SLC9A9: variants seen among roughly 807,000 people sequenced by gnomAD.
SLC9A9 encodes the protein solute carrier family 9 member A9.
SLC9A9 carries 62 observed loss-of-function variants against 77.8 expected under a neutral mutation model. The ratio of observed to expected loss-of-function variants is 0.80; its 90% CI spans 0.65 to 0.98. SLC9A9 has a LOEUF of 0.98. Ranked by LOEUF, SLC9A9 falls within the 50% of genes least tolerant of loss-of-function variation. The pLI is 0.00. For synonymous variants in SLC9A9, 320 were observed against 283.5 expected, an observed-to-expected ratio of 1.13 and a Z score of -1.29; for missense variants, 775 against 774.9, an observed-to-expected ratio of 1.00 and a Z score of 0.00.
intron 11 of SLC9A9, among the ~76,000 whole-genome samples, chr3:143,480,676 G>A (rs564317630): frequency 6.6e-6 from 1 of 152,336 alleles, no homozygotes; most frequent in South Asian, 2.1e-4. Context: ...CTTGGTGGAA[G>A]TTCGTCTTCT....
intron 4 of SLC9A9, among the ~76,000 whole-genome samples, chr3:143,754,275 A>C (rs1433649388): frequency 1.3e-5 from 2 of 152,228 alleles, no homozygotes; most frequent in Non-Finnish European, 2.9e-5. Context: ...TAAAAGTCCC[A>C]ATATGGTAAC....
chr3:143,477,347 T>TTTTTTC (rs1553758984), intron 11 of SLC9A9, among the ~76,000 whole-genome samples: 46 of 103,078 alleles, frequency 4.5e-4, no homozygotes, highest in Non-Finnish European at 6.8e-4. Context: ...TTTTTTTTTT[T>TTTTTTC]CCCCCTCCCC....
chr3:143,729,727 C>T (rs1934753525), intron 4 of SLC9A9, among the ~76,000 whole-genome samples: 2 of 152,152 alleles, frequency 1.3e-5, no homozygotes, highest in Admixed American at 1.3e-4. Context: ...GACTTCTTAC[C>T]CCCTAGAAGA....
At chr3:143,502,995 A>C (rs2035950680) in intron 9 of SLC9A9, among the ~76,000 whole-genome samples, 1 of 152,192 alleles carries the variant, frequency 6.6e-6, no homozygotes, top group Admixed American at 6.5e-5. Context: ...GCATTGGGGA[A>C]TTTGCAAATA....
intron 9 of SLC9A9, chr3:143,518,258 G>C: frequency 1.3e-6 from 2 of 1,549,502 alleles, no homozygotes; most frequent in Non-Finnish European, 1.8e-6. Flanking sequence ...GAAGCTCAGG[G>C]GCTGCAGCCC....
intron 5 of SLC9A9, among the ~76,000 whole-genome samples, chr3:143,671,360 A>G (rs2039151221): frequency 6.6e-6 from 1 of 152,206 alleles, no homozygotes; most frequent in Non-Finnish European, 1.5e-5. Context: ...AACACAGTCT[A>G]GAAATCTAAG....
chr3:143,274,596 A>G (rs551915364), intron 14 of SLC9A9, among the ~76,000 whole-genome samples: 51 of 152,340 alleles, frequency 3.3e-4, no homozygotes, highest in African/African-American at 1.2e-3. Context: ...GGAGTTGAAA[A>G]AAGTGTACAA....
intron 2 of SLC9A9, among the ~76,000 whole-genome samples, chr3:143,807,203 G>C (rs1463865982): frequency 2.0e-5 from 3 of 152,198 alleles, no homozygotes; most frequent in Admixed American, 6.5e-5. Context: ...CAGCACTTTG[G>C]GAGGCTAAGG....
At chr3:143,356,888 G>A (rs1408106776) in intron 14 of SLC9A9, among the ~76,000 whole-genome samples, 1 of 152,138 alleles carries the variant, frequency 6.6e-6, no homozygotes, top group South Asian at 2.1e-4. Context: ...GTCTACAGCA[G>A]CACCTGTAAG....
chr3:143,639,234 C>T (rs1199783144), intron 6 of SLC9A9, among the ~76,000 whole-genome samples: 5 of 152,174 alleles, frequency 3.3e-5, no homozygotes, highest in Admixed American at 2.0e-4. Context: ...GACCCAAAAG[C>T]TTAGTATGCA....
intron 14 of SLC9A9, among the ~76,000 whole-genome samples, chr3:143,285,711 G>C (rs1021266807): frequency 1.3e-5 from 2 of 152,190 alleles, no homozygotes; most frequent in Non-Finnish European, 2.9e-5. Flanking sequence ...TGATTCATGG[G>C]GCTCGGATTG....
intron 12 of SLC9A9, among the ~76,000 whole-genome samples, chr3:143,384,744 C>A (rs2033381975): frequency 6.6e-6 from 1 of 152,150 alleles, no homozygotes; most frequent in Admixed American, 6.5e-5. Flanking sequence ...AGGTCCAGAG[C>A]AGGACAAACG....
intron 12 of SLC9A9, among the ~76,000 whole-genome samples, chr3:143,422,323 C>T (rs913169551): frequency 2.0e-5 from 3 of 152,128 alleles, no homozygotes; most frequent in Non-Finnish European, 4.4e-5. Context: ...GCACTATTCA[C>T]AAGAGCAAAG....
chr3:143,520,325 A>G (rs929324125), intron 9 of SLC9A9, among the ~76,000 whole-genome samples: 2 of 152,216 alleles, frequency 1.3e-5, no homozygotes, highest in African/African-American at 4.8e-5. Flanking sequence ...TAATAAGAAT[A>G]GAGTTGAGAG....
At chr3:143,684,119 G>C (rs1176218601) in intron 5 of SLC9A9, among the ~76,000 whole-genome samples, 2 of 151,968 alleles carry the variant, frequency 1.3e-5, no homozygotes, top group Admixed American at 1.3e-4. Context: ...ATTTAAACAT[G>C]ACTGTCCCAC....
At chr3:143,737,442 A>C (rs1576692167) in intron 4 of SLC9A9, among the ~76,000 whole-genome samples, 1 of 151,856 alleles carries the variant, frequency 6.6e-6, no homozygotes, top group African/African-American at 2.4e-5. Flanking sequence ...GAATTCACTC[A>C]ATACCTAAAA....
intron 11 of SLC9A9, among the ~76,000 whole-genome samples, chr3:143,479,416 TA>T (rs912843277): frequency 4.7e-5 from 7 of 148,322 alleles, no homozygotes; most frequent in Non-Finnish European, 1.0e-4. Context: ...CCTGCCTAAT[TA>T]AAAAAAAATT....
At chr3:143,536,439 T>C (rs62269773) in intron 9 of SLC9A9, among the ~76,000 whole-genome samples, 19,124 of 152,260 alleles carry the variant, frequency 0.13, 1,251 homozygotes, top group Non-Finnish European at 0.14. Context: ...TCCATAAATA[T>C]TAACCAAATT....
intron 5 of SLC9A9, among the ~76,000 whole-genome samples, chr3:143,665,304 C>T (rs2039046099): frequency 6.6e-6 from 1 of 152,182 alleles, no homozygotes; most frequent in South Asian, 2.1e-4. Flanking sequence ...AAAGACACAA[C>T]ATACCAGAAT....
Sources: gnomAD v4.1 joint callset for allele counts (sites outside exome capture counted in the v4.1 genomes callset) on GRCh38, gnomAD v4.1.1 for gene constraint, MANE v1.5 for transcripts, NCBI Gene and HGNC (gene_info 2026-07-23, HGNC 2026-07-21) for gene names.